The following MGAT4C variants were observed in gnomAD, a reference collection of about 807,000 sequenced individuals.
MGAT4C encodes the protein alpha-1,3-mannosyl-glycoprotein 4-beta-N-acetylglucosaminyltransferase C.
Under a neutral mutation model 40.1 loss-of-function variants are expected in MGAT4C, and 19 were observed. That is an observed-to-expected ratio of 0.47 (90% CI 0.33 to 0.70). The LOEUF (loss-of-function observed/expected upper bound fraction) is 0.70, where lower values mean the gene tolerates loss of function less well. Among genes scored for constraint, MGAT4C ranks in the 30% least tolerant of loss-of-function variants. MGAT4C has a pLI of 0.02. For synonymous variants in MGAT4C, 181 were observed against 187.1 expected (o/e 0.97, Z 0.27); for missense variants, 491 against 563.2 (o/e 0.87, Z 1.30).
At chr12:86,240,910 T>C (rs1288662200) in intron 1 of MGAT4C, among the ~76,000 whole-genome samples, 1 of 152,150 alleles carries the variant, frequency 6.6e-6, no homozygotes, top group Non-Finnish European at 1.5e-5. Context: ...ATTTAGTTAT[T>C]TCTTTTGAGC....
intron 4 of MGAT4C, among the ~76,000 whole-genome samples, chr12:86,298,865 G>A (rs1347196221): frequency 6.6e-6 from 1 of 151,874 alleles, no homozygotes; most frequent in Non-Finnish European, 1.5e-5. Context: ...CACTCAATAA[G>A]TGGTTATTAA....
At chr12:86,350,782 C>T (rs1955139641) in intron 3 of MGAT4C, among the ~76,000 whole-genome samples, 2 of 151,946 alleles carry the variant, frequency 1.3e-5, no homozygotes, top group South Asian at 4.1e-4. Flanking sequence ...ATATATTTTA[C>T]AATAGACTGA....
At chr12:86,595,909 C>T (rs773131227) in intron 2 of MGAT4C, among the ~76,000 whole-genome samples, 9 of 152,150 alleles carry the variant, frequency 5.9e-5, no homozygotes, top group Non-Finnish European at 1.2e-4. Context: ...AGTATCACCA[C>T]CTCCAGTCTA....
chr12:86,542,958 G>C (rs1387104358), intron 2 of MGAT4C, among the ~76,000 whole-genome samples: 1 of 151,624 alleles, frequency 6.6e-6, no homozygotes, highest in African/African-American at 2.4e-5. Context: ...GTCTTTTTGG[G>C]GGATTTCTCT....
At chr12:86,819,324 T>G (rs938705990) in intron 1 of MGAT4C, among the ~76,000 whole-genome samples, 3 of 150,904 alleles carry the variant, frequency 2.0e-5, no homozygotes, top group Non-Finnish European at 4.5e-5. Context: ...TTCTCTAAAC[T>G]GTGGTGTAGT....
chr12:86,406,932 T>C (rs1956485692), intron 3 of MGAT4C, among the ~76,000 whole-genome samples: 1 of 152,068 alleles, frequency 6.6e-6, no homozygotes, highest in Non-Finnish European at 1.5e-5. Context: ...ATATGTCAGA[T>C]CCATAGGTTG....
At chr12:86,189,759 A>G (rs926583117) in intron 1 of MGAT4C, among the ~76,000 whole-genome samples, 2 of 152,036 alleles carry the variant, frequency 1.3e-5, no homozygotes, top group South Asian at 2.1e-4. Context: ...AACCAAAGAG[A>G]GTACTGAAGT....
At chr12:86,777,187 T>G (rs937693308) in intron 1 of MGAT4C, among the ~76,000 whole-genome samples, 1 of 152,326 alleles carries the variant, frequency 6.6e-6, no homozygotes, top group South Asian at 2.1e-4. Flanking sequence ...ATTTTAGGTA[T>G]TTATATTTCA....
At chr12:86,481,353 GA>G (rs1957933919) in intron 2 of MGAT4C, among the ~76,000 whole-genome samples, 1 of 151,960 alleles carries the variant, frequency 6.6e-6, no homozygotes, top group Admixed American at 6.6e-5. Flanking sequence ...TAGTGTGAGG[GA>G]AATGATTGCT....
At chr12:86,763,124 T>C (rs1468507489) in intron 1 of MGAT4C, among the ~76,000 whole-genome samples, 1 of 152,228 alleles carries the variant, frequency 6.6e-6, no homozygotes, top group Non-Finnish European at 1.5e-5. Flanking sequence ...TCCTGTTTTA[T>C]TTTACTTGAA....
rs1357259109 is a variant in MGAT4C at position 85,977,361 on chromosome 12, C to G, written c.*1928G>C. 6.6e-6 allele frequency: 1 copy of G among 151,226 alleles called. No individual in the cohort carries two copies. The highest frequency in any genetic ancestry group is 2.4e-5 in the African/African-American group (1 of 41,304). 9.4% of individuals were successfully genotyped at this position (151,226 alleles called of 1,614,324 possible). On this transcript the variant is annotated 3_prime_UTR_variant, in exon 5 of 5. Coordinates refer to ENST00000611864, the MANE Select transcript of MGAT4C (RefSeq NM_001351288.2). ...ATATACACACAATACTATCAACTAG[C>G]CGGTTAATAAAAGATAAGAAAAATA... is the stretch of plus-strand genomic sequence containing the variant.
At chr12:86,281,165 GT>G (rs1953210047) in intron 4 of MGAT4C, among the ~76,000 whole-genome samples, 1 of 151,718 alleles carries the variant, frequency 6.6e-6, no homozygotes, top group South Asian at 2.1e-4. Flanking sequence ...TCTTTTGGTA[GT>G]TTTTATGACT....
chr12:86,073,933 C>T (rs2202208), intron 1 of MGAT4C, among the ~76,000 whole-genome samples: 6 of 151,714 alleles, frequency 4.0e-5, no homozygotes, highest in African/African-American at 9.7e-5. Context: ...TTTGGAGGGG[C>T]CAGGGGTGAA....
Position 86,643,383 on chromosome 12 carries a change from AT to A in MGAT4C, c.-229+83825del, listed in dbSNP as rs1963447777. Among the ~76,000 whole-genome samples, 8 of 151,950 alleles carry A rather than the reference AT, an allele frequency of 5.3e-5. No individual in the cohort carries two copies. In the South Asian group the frequency reaches 1.7e-3, roughly 31 times the overall value. On this transcript the variant is annotated intron_variant, in intron 2 of 7. Transcript: ENST00000548651. ...TTGAAAACATATGCAAACACAAAAC[AT>A]TTTCATGAATAGCCATAACCACATT... is the stretch of plus-strand genomic sequence containing the variant.
chr12:86,582,350 C>A (rs1157644731), intron 2 of MGAT4C, among the ~76,000 whole-genome samples: 2 of 151,054 alleles, frequency 1.3e-5, no homozygotes, highest in Admixed American at 6.6e-5. Context: ...AATATTTTAG[C>A]CTTAGGTGAA....
At chr12:86,274,578 T>TA (rs989349289) in intron 4 of MGAT4C, among the ~76,000 whole-genome samples, 9 of 152,114 alleles carry the variant, frequency 5.9e-5, no homozygotes, top group Non-Finnish European at 1.3e-4. Context: ...ATAATAATGT[T>TA]AAAAAATGGC....
intron 1 of MGAT4C, among the ~76,000 whole-genome samples, chr12:86,168,102 T>C (rs945540885): frequency 2.0e-5 from 3 of 152,192 alleles, no homozygotes; most frequent in East Asian, 1.9e-4. Context: ...TCAAATATCA[T>C]TTGTGATAAA....
At chr12:86,510,131 T>C (rs1022528305) in intron 2 of MGAT4C, among the ~76,000 whole-genome samples, 1 of 152,212 alleles carries the variant, frequency 6.6e-6, no homozygotes, top group Admixed American at 6.5e-5. Context: ...GACATCCCTG[T>C]CTTGTGCCAG....
At chr12:86,019,015 A>AAT (rs569998524) in intron 2 of MGAT4C, among the ~76,000 whole-genome samples, 114 of 152,084 alleles carry the variant, frequency 7.5e-4, no homozygotes, top group African/African-American at 2.5e-3. Flanking sequence ...CATTCTCTTA[A>AAT]ATATATATAT....
Sources: gnomAD v4.1 joint callset for allele counts (sites outside exome capture counted in the v4.1 genomes callset) on GRCh38, gnomAD v4.1.1 for gene constraint, MANE v1.5 for transcripts, NCBI Gene and HGNC (gene_info 2026-07-23, HGNC 2026-07-21) for gene names.